Variants in SYTL2 observed in about 807,000 individuals in gnomAD.
The protein encoded by SYTL2 is synaptotagmin-like protein 2.
A neutral mutation model predicts 198.7 loss-of-function variants in SYTL2; 165 were observed. The observed-to-expected ratio is 0.83, with a 90% CI of 0.73 to 0.94. SYTL2 has a LOEUF of 0.94. Ranked by LOEUF, SYTL2 falls within the 40% of genes least tolerant of loss-of-function variation. The pLI is 0.00. For synonymous variants in SYTL2, 966 were observed against 917.7 expected (o/e 1.05, Z -0.95); for missense variants, 2,835 against 2,582.8 (o/e 1.10, Z -2.12).
Position 85,724,972 on chromosome 11 carries a change from G to T in SYTL2, c.4386C>A (p.Ser1462Arg), listed in dbSNP as rs1370492803. The T allele has an allele frequency of 1.2e-6, 2 of 1,613,802 alleles. No homozygotes were observed. The highest frequency in any genetic ancestry group is 1.7e-6 in the Non-Finnish European group (2 of 1,179,846). ...ATTGAGCAACAATGGAAGCAAATGA[G>T]CTAAGCGTCTGGTCTGATGGAGACA... ...AQMSPSDQTL[S>R]SFASIVAQYG... Residue 1462 changes from serine (S) to arginine (R), a missense_variant, in exon 8 of 20, where the codon AGC becomes AGA. Physicochemically the swap from Ser to Arg is moderately radical, Grantham distance 110 (BLOSUM62 -1). Transcript: ENST00000359152.
At position 85,724,690 on chromosome 11, in the gene SYTL2, A is replaced by ACAT. The variant is rs755966578; in HGVS notation, c.4667_4668insATG (p.Ala1556_Pro1557insCys). 1.2e-6 allele frequency: 2 copies of ACAT among 1,613,958 alleles called. No individual in the cohort carries two copies. The highest frequency in any genetic ancestry group is 8.5e-7 in the Non-Finnish European group (1 of 1,179,988). ...CAAAAGCACTCTCAGTTATTAACGG[A>ACAT]GCCTCGGCCTTTTCTACTGTTTCTT... is the stretch of plus-strand genomic sequence containing the variant. On this transcript the variant is annotated inframe_insertion, in exon 8 of 20. Coordinates refer to ENST00000359152, the MANE Select transcript of SYTL2 (RefSeq NM_206927.4).
In SYTL2 at chr11:85,727,100, T is replaced by C. The variant is rs1565931730; in HGVS notation, c.2258A>G (p.Lys753Arg). 6.5e-7 allele frequency: 1 copy of C among 1,535,882 alleles called. No individual in the cohort carries two copies. Among genetic ancestry groups the C allele is most frequent in the Non-Finnish European group, 8.7e-7 (1 of 1,146,782 alleles). The change falls in exon 8 of 20, where the codon AAG (lysine) becomes AGG (arginine). Residue 753 changes from lysine to arginine, a missense_variant. Physicochemically the swap from Lys to Arg is conservative, Grantham distance 26 (BLOSUM62 2). Around this residue, in one of 3 missense-constraint regions of SYTL2, gnomAD observed 2,645 missense variants for 2,381.7 expected, o/e 1.11. Transcript: ENST00000359152. The part of the protein sequence containing the change: ...LKASLEPENI[K>R]STPGVANNGS... The stretch of plus-strand genomic sequence containing the variant: ...ATTGTTGGCAACCCCAGGTGTTGAC[T>C]TAATATTCTCTGGCTCTAAGGAGGC...
intron 1 of SYTL2, among the ~76,000 whole-genome samples, chr11:85,772,688 C>T (rs548042482): frequency 2.6e-5 from 4 of 152,226 alleles, no homozygotes; most frequent in African/African-American, 9.6e-5. Flanking sequence ...CCCCAAACTC[C>T]AGTCCCCTTA....
intron 1 of SYTL2, among the ~76,000 whole-genome samples, chr11:85,779,548 TAA>T (rs2092521582): frequency 1.3e-5 from 2 of 152,140 alleles, no homozygotes; most frequent in South Asian, 4.1e-4. Flanking sequence ...ATTATAGATA[TAA>T]GTTACTATCT....
chr11:85,748,495 A>G, intron 2 of SYTL2, 72 bp from the exon 3 acceptor site: 1 of 1,499,432 alleles, frequency 6.7e-7, no homozygotes, highest in Non-Finnish European at 9.2e-7. Context: ...GACACCGCAT[A>G]AAGACATGTG....
intron 1 of SYTL2, among the ~76,000 whole-genome samples, chr11:85,783,550 T>C (rs542408252): frequency 6.6e-6 from 1 of 152,316 alleles, no homozygotes; most frequent in Admixed American, 6.5e-5. Flanking sequence ...TAGTTAATAT[T>C]AGTTAATAAA....
intron 1 of SYTL2, among the ~76,000 whole-genome samples, chr11:85,776,841 A>C (rs1158328184): frequency 6.6e-6 from 1 of 152,242 alleles, no homozygotes; most frequent in Non-Finnish European, 1.5e-5. Context: ...TTTTTAAAAA[A>C]TAAATTACCC....
At chr11:85,785,325 G>A (rs1001642156) in intron 1 of SYTL2, among the ~76,000 whole-genome samples, 1 of 152,176 alleles carries the variant, frequency 6.6e-6, no homozygotes, top group African/African-American at 2.4e-5. Context: ...GCTCAAGCAA[G>A]CAACACAGCT....
At chr11:85,798,473 A>G (rs1341193171) in intron 1 of SYTL2, among the ~76,000 whole-genome samples, 1 of 152,200 alleles carries the variant, frequency 6.6e-6, no homozygotes, top group Non-Finnish European at 1.5e-5. Flanking sequence ...ACCAAAAATA[A>G]AAAACAATTG....
At chr11:85,805,778 G>A (rs916003779) in intron 1 of SYTL2, among the ~76,000 whole-genome samples, 8 of 152,154 alleles carry the variant, frequency 5.3e-5, no homozygotes, top group Admixed American at 4.6e-4. Flanking sequence ...CTCTAACTCA[G>A]AAGGCAAATA....
At chr11:85,740,732 A>G (rs1475691745) in intron 4 of SYTL2, among the ~76,000 whole-genome samples, 1 of 152,366 alleles carries the variant, frequency 6.6e-6, no homozygotes, top group East Asian at 1.9e-4. Context: ...GAACTGCAAC[A>G]TTAGAAGCAG....
rs779441797 is a variant in SYTL2 at position 85,736,493 on chromosome 11, A to G, written c.586+8T>C. On this transcript the variant is annotated splice_region_variant and intron_variant, in intron 6 of 19. Transcript: ENST00000359152. ...TAAAAAAATCAAGTTCATAAAAATA[A>G]TATTTACCCTCTTTTGAAGTCTGAA... is the stretch of plus-strand genomic sequence containing the variant. 2.8e-6 allele frequency: 4 copies of G among 1,422,640 alleles called. No individual in the cohort carries two copies. The South Asian group carries it at 4.9e-5, about 17-fold the overall frequency. The allele number at this position is 1,422,640 out of a possible 1,614,324, so 88.1% of individuals were successfully genotyped here.
At chr11:85,701,557 C>T (rs1188558704) in intron 16 of SYTL2, among the ~76,000 whole-genome samples, 2 of 152,116 alleles carry the variant, frequency 1.3e-5, no homozygotes, top group East Asian at 1.9e-4. Flanking sequence ...GTATCAGAAA[C>T]GTAATGGTAG....
chr11:85,796,811 T>C (rs1476006268), intron 1 of SYTL2, among the ~76,000 whole-genome samples: 1 of 152,340 alleles, frequency 6.6e-6, no homozygotes. Context: ...GGTCTGAGAC[T>C]TGACTGATAT....
At position 85,774,426 on chromosome 11, in the gene SYTL2, G is replaced by T. The variant is rs554720346; in HGVS notation, c.-389-16312C>A. 1.0e-3 allele frequency among the ~76,000 whole-genome samples: 159 copies of T among 152,202 alleles called. 2 individuals carry two copies. In the South Asian group the frequency reaches 0.013, roughly 12 times the overall value. On this transcript the variant is annotated intron_variant, in intron 1 of 19. Transcript: ENST00000359152. The stretch of plus-strand genomic sequence containing the variant: ...CAGGTCTACCTAGCTCCAAAGTTCT[G>T]ACATAACAGGAAGAGCAGCAGTAAA...
chr11:85,731,381 C>T (rs982271610), intron 7 of SYTL2, among the ~76,000 whole-genome samples: 1 of 152,168 alleles, frequency 6.6e-6, no homozygotes, highest in African/African-American at 2.4e-5. Flanking sequence ...GGTACCAAAA[C>T]AGATATATAG....
intron 1 of SYTL2, among the ~76,000 whole-genome samples, chr11:85,761,386 G>A (rs2092092669): frequency 6.6e-6 from 1 of 152,152 alleles, no homozygotes; most frequent in Non-Finnish European, 1.5e-5. Flanking sequence ...CCAGGGTTCT[G>A]AGGTGGGAGT....
the SYTL2 span, among the ~76,000 whole-genome samples, chr11:85,827,493 TTC>T: frequency 1.3e-5 from 2 of 152,182 alleles, no homozygotes; most frequent in African/African-American, 4.8e-5. Flanking sequence ...CCAGGGGCTG[TTC>T]TCTCTGCTGG....
intron 1 of SYTL2, among the ~76,000 whole-genome samples, chr11:85,797,626 CAA>C (rs563235406): frequency 1.0e-4 from 9 of 87,344 alleles, no homozygotes; most frequent in Admixed American, 1.2e-4. Flanking sequence ...GACTCCTTCT[CAA>C]AAAAAAAAAA....
Sources: gnomAD v4.1 joint callset for allele counts (sites outside exome capture counted in the v4.1 genomes callset) on GRCh38, gnomAD v4.1.1 for gene constraint, gnomAD v4.1.1 regional missense constraint, MANE v1.5 for transcripts, NCBI Gene and HGNC (gene_info 2026-07-23, HGNC 2026-07-21) for gene names.